The following GNE variants were observed in gnomAD, a reference collection of about 807,000 sequenced individuals.
The protein encoded by GNE is glucosamine (UDP-N-acetyl)-2-epimerase/N-acetylmannosamine kinase.
GNE carries 41 observed loss-of-function variants against 61.8 expected under a neutral mutation model. That is an observed-to-expected ratio of 0.66 (90% CI 0.52 to 0.86). GNE has a LOEUF of 0.86. GNE is among the 40% of genes least tolerant of loss of function. GNE has a pLI of 0.00. For synonymous variants in GNE, 264 were observed against 326.4 expected (o/e 0.81, Z 2.06); for missense variants, 608 against 909.1 (o/e 0.67, Z 4.26).
chr9:36,237,036 GAGAA>G, intron 3 of GNE, 52 bp from the exon 4 acceptor site: 1 of 1,428,610 alleles, frequency 7.0e-7, no homozygotes. Flanking sequence ...AATCTTAAAA[GAGAA>G]AGAAGCAAAT....
chr9:36,258,500 C>T (rs1457005038), upstream of GNE: 8 of 985,450 alleles, frequency 8.1e-6, no homozygotes, highest in African/African-American at 1.7e-5. Flanking sequence ...CCACGCCCAC[C>T]CGGAGTGCCG....
At chr9:36,237,504 T>C (rs1587320141) in intron 3 of GNE, among the ~76,000 whole-genome samples, 1 of 152,256 alleles carries the variant, frequency 6.6e-6, no homozygotes, top group Non-Finnish European at 1.5e-5. Flanking sequence ...CGCTCATCCC[T>C]AGGCTGGGAT....
intron 2 of GNE, among the ~76,000 whole-genome samples, chr9:36,246,869 A>T (rs149633511): frequency 0.015 from 2,272 of 151,994 alleles, 89 homozygotes; most frequent in Admixed American, 0.079. Context: ...GGGTTTTGCC[A>T]TGTTGGCCAG....
chr9:36,249,723 C>T (rs1181409321), intron 1 of GNE, among the ~76,000 whole-genome samples: 1 of 145,592 alleles, frequency 6.9e-6, no homozygotes, highest in Non-Finnish European at 1.5e-5. Context: ...CTAAAAAATA[C>T]AAAAAAAAAA....
Position 36,217,183 on chromosome 9 carries a change from A to G in GNE, c.*182T>C, listed in dbSNP as rs2132990800. On this transcript the variant is annotated 3_prime_UTR_variant, in exon 12 of 12. Transcript: ENST00000642385. ...GAAGACATCAGAAAGAATAGCATCT[A>G]CAAAAATAGGAGTGGGGAAAGGTGA... 7.8e-6 allele frequency: 5 copies of G among 637,762 alleles called. No individual in the cohort carries two copies. In the South Asian group the frequency reaches 9.0e-5, roughly 11 times the overall value. 39.5% of individuals were successfully genotyped at this position (637,762 alleles called of 1,614,324 possible).
intron 3 of GNE, among the ~76,000 whole-genome samples, chr9:36,239,368 G>C (rs1455851558): frequency 6.6e-6 from 1 of 152,084 alleles, no homozygotes; most frequent in African/African-American, 2.4e-5. Context: ...ATGAGTATGG[G>C]ATGTGTTTCG....
In GNE at chr9:36,216,162, T is replaced by G. The variant is rs1828263935; in HGVS notation, c.*1203A>C. ...ATGTCCAGTGTCTTGATTGTGGTGA[T>G]GCTTTCACAGGTATACATATGTCAA... On this transcript the variant is annotated 3_prime_UTR_variant, in exon 12 of 12. Coordinates refer to ENST00000642385, the MANE Select transcript of GNE (RefSeq NM_005476.7). The G allele has an allele frequency of 2.6e-6, 1 of 385,100 alleles. No homozygotes were observed. The highest frequency in any genetic ancestry group is 2.6e-5 in the Admixed American group (1 of 38,420). The allele number at this position is 385,100 out of a possible 1,614,324, so 23.9% of individuals were successfully genotyped here.
Position 36,216,672 on chromosome 9 carries a change from TTTATTATTA to T in GNE, c.*684_*692del, listed in dbSNP as rs374896148. On this transcript the variant is annotated 3_prime_UTR_variant, in exon 12 of 12. Transcript: ENST00000642385. ...ATTATTATTATTATTATTATTATTATTTATTATTATTATTTTTGAGATGGAGTCTTGCTC... is the reference window on the plus strand; with the variant it reads ...ATTATTATTATTATTATTATTATTATTTATTTTTGAGATGGAGTCTTGCTC... 1 of 87,938 alleles carries T rather than the reference TTTATTATTA, an allele frequency of 1.1e-5. No homozygotes were observed. Among genetic ancestry groups the T allele is most frequent in the Admixed American group, 1.0e-4 (1 of 9,856 alleles). 5.4% of individuals were successfully genotyped at this position (87,938 alleles called of 1,614,324 possible). A position where few individuals can be genotyped will look rare whatever the true frequency, so the allele number is the denominator to read the frequency against.
upstream of GNE, among the ~76,000 whole-genome samples, chr9:36,259,806 A>G (rs1327144105): frequency 6.6e-6 from 1 of 152,086 alleles, no homozygotes; most frequent in Non-Finnish European, 1.5e-5. Flanking sequence ...GATTACAGGC[A>G]CACACCACCA....
intron 1 of GNE, among the ~76,000 whole-genome samples, chr9:36,249,948 T>G (rs1201988202): frequency 6.6e-6 from 1 of 151,564 alleles, no homozygotes; most frequent in African/African-American, 2.4e-5. Context: ...CCTCTCACAC[T>G]CAAGAAAACA....
At chr9:36,241,040 C>T (rs1829610281) in intron 3 of GNE, among the ~76,000 whole-genome samples, 1 of 151,570 alleles carries the variant, frequency 6.6e-6, no homozygotes, top group Non-Finnish European at 1.5e-5. Flanking sequence ...GATTTTCTCC[C>T]TTCTTTTCTT....
At chr9:36,228,283 C>T (rs937624751) in intron 6 of GNE, among the ~76,000 whole-genome samples, 11 of 151,388 alleles carry the variant, frequency 7.3e-5, no homozygotes, top group Admixed American at 7.2e-4. Context: ...TAGTTTTTAT[C>T]TTTATATTTC....
In GNE at chr9:36,258,436, C is replaced by A. The variant is rs1830489610; in HGVS notation, c.-158G>T. Reference sequence around the variant, plus strand: ...CTGCCCCTCGGTTTCCGCGCTCGGGCGCGCGGGTAGACGACTCGTCGCTCG... The same window carrying A: ...CTGCCCCTCGGTTTCCGCGCTCGGGAGCGCGGGTAGACGACTCGTCGCTCG... On this transcript the variant is annotated 5_prime_UTR_variant, in exon 1 of 12. Transcript: ENST00000642385. The A allele has an allele frequency of 2.0e-6, 2 of 985,508 alleles. No homozygotes were observed. Among genetic ancestry groups the A allele is most frequent in the Non-Finnish European group, 2.4e-6 (2 of 829,974 alleles). The allele number at this position is 985,508 out of a possible 1,614,324, so 61.0% of individuals were successfully genotyped here.
chr9:36,270,812 C>T (rs900562507), intron 1 of GNE, among the ~76,000 whole-genome samples: 8 of 152,094 alleles, frequency 5.3e-5, no homozygotes, highest in African/African-American at 1.7e-4. Context: ...CCACCACGCC[C>T]GGCCTGACAG....
chr9:36,265,904 C>T (rs951522620), intron 1 of GNE, among the ~76,000 whole-genome samples: 3 of 152,114 alleles, frequency 2.0e-5, no homozygotes, highest in African/African-American at 7.2e-5. Context: ...CATTTATCTC[C>T]TATTATGCGG....
chr9:36,256,266 TGAGACA>T, intron 1 of GNE, among the ~76,000 whole-genome samples: 1 of 63,138 alleles, frequency 1.6e-5, no homozygotes, highest in Admixed American at 1.7e-4. Context: ...TTTTTTTTTT[TGAGACA>T]GACAGCCTGT....
rs973100548 is a variant in GNE at position 36,214,697 on chromosome 9, A to G, written c.*2668T>C. 4.6e-5 allele frequency: 7 copies of G among 152,310 alleles called. No individual in the cohort carries two copies. In the South Asian group the frequency reaches 1.0e-3, roughly 23 times the overall value. The allele number at this position is 152,310 out of a possible 1,614,324, so 9.4% of individuals were successfully genotyped here. A position where few individuals can be genotyped will look rare whatever the true frequency, so the allele number is the denominator to read the frequency against. On this transcript the variant is annotated 3_prime_UTR_variant, in exon 12 of 12. Coordinates refer to ENST00000642385, the MANE Select transcript of GNE (RefSeq NM_005476.7). ...TACAGAGCAGATTTCACCATGAGAG[A>G]TTACACCAAAGAACAGATGTCCCTT...
intron 2 of GNE, among the ~76,000 whole-genome samples, 189 bp from the exon 3 acceptor site, chr9:36,246,671 T>G (rs1587341448): frequency 2.0e-5 from 3 of 146,402 alleles, no homozygotes; most frequent in Admixed American, 6.8e-5. Context: ...TTTTTTTTTT[T>G]TTTTTTTTTT....
chr9:36,275,109 A>G (rs1831213551), intron 1 of GNE, among the ~76,000 whole-genome samples: 1 of 152,222 alleles, frequency 6.6e-6, no homozygotes, highest in Non-Finnish European at 1.5e-5. Flanking sequence ...AGCTACTTAT[A>G]GGACATCTTT....
Sources: gnomAD v4.1 joint callset for allele counts (sites outside exome capture counted in the v4.1 genomes callset) on GRCh38, gnomAD v4.1.1 for gene constraint, MANE v1.5 for transcripts, NCBI Gene and HGNC (gene_info 2026-07-23, HGNC 2026-07-21) for gene names.